Variants in ELMO1 observed in about 807,000 individuals in gnomAD.
The protein encoded by ELMO1 is engulfment and cell motility 1.
ELMO1 carries 26 observed loss-of-function variants against 98.9 expected under a neutral mutation model. The observed-to-expected ratio is 0.26, with a 90% CI of 0.19 to 0.36. The LOEUF (loss-of-function observed/expected upper bound fraction) is 0.36, where lower values mean the gene tolerates loss of function less well. Among genes scored for constraint, ELMO1 ranks in the 10% least tolerant of loss-of-function variants. The pLI is 1.00. For synonymous variants in ELMO1, 346 were observed against 346.0 expected (o/e 1.00, Z 0.00); for missense variants, 627 against 935.2 (o/e 0.67, Z 4.30).
In ELMO1 at chr7:37,216,758, A is replaced by G. The variant is rs191896215; in HGVS notation, c.781-63T>C. ...TAGAAAGCTACATTTCGACATGGCC[A>G]AAAATGACCTTATCCTGGGGTGTGC... On this transcript the variant is annotated intron_variant, in intron 10 of 21. Transcript: ENST00000310758. The G allele has an allele frequency of 1.6e-4, 255 of 1,578,446 alleles. No homozygotes were observed. In the African/African-American group the frequency reaches 3.1e-3, roughly 19 times the overall value.
chr7:36,942,940 C>T (rs1373006203), intron 16 of ELMO1, among the ~76,000 whole-genome samples: 1 of 152,338 alleles, frequency 6.6e-6, no homozygotes, highest in South Asian at 2.1e-4. Context: ...TGACAGCACG[C>T]CACTGACAGC....
At chr7:36,972,102 G>C (rs1790015999) in intron 16 of ELMO1, among the ~76,000 whole-genome samples, 2 of 152,156 alleles carry the variant, frequency 1.3e-5, no homozygotes, top group Non-Finnish European at 2.9e-5. Flanking sequence ...CGAGCACCAA[G>C]AGTTTTACAT....
intron 13 of ELMO1, among the ~76,000 whole-genome samples, chr7:37,143,612 G>A (rs141926118): frequency 6.6e-6 from 1 of 152,018 alleles, no homozygotes; most frequent in African/African-American, 2.4e-5. Flanking sequence ...TCACCATGCT[G>A]GCCAGGCTGA....
intron 14 of ELMO1, among the ~76,000 whole-genome samples, chr7:37,105,821 G>T (rs1339374288): frequency 6.6e-6 from 1 of 152,186 alleles, no homozygotes; most frequent in East Asian, 1.9e-4. Context: ...ATTAATAAGA[G>T]TCAAAATCCA....
intron 13 of ELMO1, chr7:37,204,351 G>C (rs1792481663): frequency 2.5e-6 from 1 of 407,314 alleles, no homozygotes; most frequent in Non-Finnish European, 4.9e-6. Flanking sequence ...GACTTCAAGA[G>C]TGAAGCTGCA....
intron 2 of ELMO1, among the ~76,000 whole-genome samples, chr7:37,336,366 C>T (rs938190807): frequency 2.6e-5 from 4 of 152,156 alleles, no homozygotes; most frequent in African/African-American, 9.7e-5. Flanking sequence ...CTGTAGACAA[C>T]TGAAGTTAGA....
chr7:37,293,288 T>C (rs1405873742), intron 4 of ELMO1, among the ~76,000 whole-genome samples: 1 of 133,654 alleles, frequency 7.5e-6, no homozygotes, highest in Non-Finnish European at 1.7e-5. Flanking sequence ...GGGGGAAAGG[T>C]GGGGAAAAGA....
chr7:37,090,569 G>C lies in ELMO1; in HGVS notation c.1300+6050C>G, dbSNP rs1035292866. Among the ~76,000 whole-genome samples, 6 of 152,108 alleles carry C rather than the reference G, an allele frequency of 3.9e-5. 1 individual carries two copies. The highest frequency in any genetic ancestry group is 1.4e-4 in the African/African-American group (6 of 41,424). ...GGAACTAGAATCCCTTGAACCTCCA[G>C]GTCTTCTAGCCTACCATTTCTCACT... On this transcript the variant is annotated intron_variant, in intron 15 of 21. Coordinates refer to ENST00000310758, the MANE Select transcript of ELMO1 (RefSeq NM_014800.11).
chr7:37,170,041 A>T (rs2129781480), intron 13 of ELMO1, among the ~76,000 whole-genome samples: 2 of 152,156 alleles, frequency 1.3e-5, no homozygotes, highest in South Asian at 4.2e-4. Context: ...AGCTGCGATT[A>T]TAAGCACACG....
intron 10 of ELMO1, among the ~76,000 whole-genome samples, chr7:37,218,827 G>A (rs1187290040): frequency 1.3e-5 from 2 of 152,146 alleles, no homozygotes; most frequent in Non-Finnish European, 2.9e-5. Context: ...CTGCCTCTGG[G>A]AATATAATTA....
intron 1 of ELMO1, among the ~76,000 whole-genome samples, chr7:37,428,285 C>A (rs1244020783): frequency 6.6e-6 from 1 of 151,912 alleles, no homozygotes; most frequent in Non-Finnish European, 1.5e-5. Flanking sequence ...CTTTTGCAAC[C>A]TAGAAAATGG....
intron 16 of ELMO1, among the ~76,000 whole-genome samples, chr7:36,940,336 T>C (rs956105796): frequency 6.6e-6 from 1 of 152,194 alleles, no homozygotes; most frequent in African/African-American, 2.4e-5. Context: ...AGTAGTAGTA[T>C]TCAAGTCTTT....
chr7:37,054,248 T>C (rs1023804702), intron 15 of ELMO1, among the ~76,000 whole-genome samples: 11 of 152,218 alleles, frequency 7.2e-5, no homozygotes, highest in Non-Finnish European at 1.5e-5. Context: ...CTTTTAATCA[T>C]CAAAACCTAG....
At chr7:37,409,467 G>GT (rs1014828194) in intron 1 of ELMO1, among the ~76,000 whole-genome samples, 3 of 152,174 alleles carry the variant, frequency 2.0e-5, no homozygotes, top group Non-Finnish European at 4.4e-5. Context: ...GCAGGGTTGG[G>GT]TAAGTATGGT....
At chr7:37,388,644 A>C (rs558603069) in intron 1 of ELMO1, among the ~76,000 whole-genome samples, 1 of 151,712 alleles carries the variant, frequency 6.6e-6, no homozygotes, top group African/African-American at 2.4e-5. Context: ...AAAACACACA[A>C]AAGACTGCCA....
intron 15 of ELMO1, among the ~76,000 whole-genome samples, chr7:37,094,197 C>A (rs114509987): frequency 0.02 from 2,997 of 152,294 alleles, 133 homozygotes; most frequent in African/African-American, 0.069. Context: ...CAGGCCTCAG[C>A]TGTCCAAGCC....
Position 36,894,894 on chromosome 7 carries a change from C to G in ELMO1, c.1561G>C (p.Glu521Gln). 6.2e-7 allele frequency: 1 copy of G among 1,614,116 alleles called. No individual in the cohort carries two copies. The highest frequency in any genetic ancestry group is 8.5e-7 in the Non-Finnish European group (1 of 1,180,004). Residue 521 changes from glutamate to glutamine, a missense_variant, in exon 17 of 22, where the codon GAG becomes CAG. Coordinates refer to ENST00000310758, the MANE Select transcript of ELMO1 (RefSeq NM_014800.11). ...TGGAAATCTTCCTGGTTCATCCTCTCGGACTGGCGGATTTTCAGGATCTCA... is the reference window on the plus strand; with the variant it reads ...TGGAAATCTTCCTGGTTCATCCTCTGGGACTGGCGGATTTTCAGGATCTCA... ...YTEILKIRQS[E>Q]RMNQEDFQSR...
At chr7:37,358,985 G>A (rs1801596360) in intron 1 of ELMO1, among the ~76,000 whole-genome samples, 1 of 152,178 alleles carries the variant, frequency 6.6e-6, no homozygotes, top group African/African-American at 2.4e-5. Context: ...TAGACAAACA[G>A]GGAGAAGCTG....
At chr7:37,328,862 A>G (rs565263774) in intron 2 of ELMO1, among the ~76,000 whole-genome samples, 4 of 152,188 alleles carry the variant, frequency 2.6e-5, no homozygotes, top group African/African-American at 9.6e-5. Flanking sequence ...TCATAACCTC[A>G]AACTCAAATC....
Sources: gnomAD v4.1 joint callset for allele counts (sites outside exome capture counted in the v4.1 genomes callset) on GRCh38, gnomAD v4.1.1 for gene constraint, MANE v1.5 for transcripts, NCBI Gene and HGNC (gene_info 2026-07-23, HGNC 2026-07-21) for gene names.